The following SLC10A1 variants were observed in gnomAD, a reference collection of about 807,000 sequenced individuals.
SLC10A1 encodes solute carrier family 10 member 1.
A neutral mutation model predicts 20.5 loss-of-function variants in SLC10A1; 36 were observed. The observed-to-expected ratio is 1.75, with a 90% confidence interval of 1.34 to 2.32. The LOEUF (loss-of-function observed/expected upper bound fraction) is 2.32. Among genes scored for constraint, SLC10A1 ranks in the 30% most tolerant of loss-of-function variants. The pLI, the probability that SLC10A1 is intolerant of heterozygous loss-of-function variation, is 0.00. For synonymous variants in SLC10A1, 188 were observed against 163.6 expected (o/e 1.15, Z -1.14); for missense variants, 545 against 439.1 (o/e 1.24, Z -2.16).
intron 1 of SLC10A1, among the ~76,000 whole-genome samples, chr14:69,795,110 A>G (rs1482537429): frequency 6.6e-6 from 1 of 152,234 alleles, no homozygotes; most frequent in African/African-American, 2.4e-5. Context: ...GATTCTTGGG[A>G]CACACAGGCT....
intron 1 of SLC10A1, 106 bp from the exon 2 acceptor site, chr14:69,786,413 G>C: frequency 1.2e-6 from 1 of 828,126 alleles, no homozygotes; most frequent in Non-Finnish European, 2.0e-6. Context: ...GACATATGTG[G>C]CTTCAGTTCC....
Position 69,777,588 on chromosome 14 carries a change from T to TTTTTTTTTC in SLC10A1, c.943+744_943+745insGAAAAAAAA, listed in dbSNP as rs1566633936. 5.2e-4 allele frequency among the ~76,000 whole-genome samples: 48 copies of TTTTTTTTTC among 93,198 alleles called. 1 individual carries two copies. Among genetic ancestry groups the TTTTTTTTTC allele is most frequent in the African/African-American group, 2.9e-3 (48 of 16,604 alleles). The allele number at this position is 93,198 out of a possible 152,430, so 61.1% of individuals were successfully genotyped here. A position where few individuals can be genotyped will look rare whatever the true frequency, so the allele number is the denominator to read the frequency against. On this transcript the variant is annotated intron_variant, in intron 4 of 4. Coordinates refer to ENST00000216540, the MANE Select transcript of SLC10A1 (RefSeq NM_003049.4). ...GGGTTTGAATGTCCTGTTTTTTTTT[T>TTTTTTTTTC]TTTTTTTTTTTTTTTTTAAAATTGG...
rs916484810 is a variant in SLC10A1 at position 69,786,003 on chromosome 14, G to T, written c.567+94C>A. The T allele has an allele frequency of 5.8e-6, 5 of 868,536 alleles. No individual in the cohort carries two copies. The East Asian group carries it at 7.9e-5, about 14-fold the overall frequency. The allele number at this position is 868,536 out of a possible 1,614,324, so 53.8% of individuals were successfully genotyped here. On this transcript the variant is annotated intron_variant, in intron 2 of 4. Coordinates refer to ENST00000216540, the MANE Select transcript of SLC10A1 (RefSeq NM_003049.4). ...AACTTAGCATCTAGTAGGAGCATAT[G>T]TATGTTTATTATTAATATAATGATT...
chr14:69,784,639 T>C (rs1051035947), intron 2 of SLC10A1, among the ~76,000 whole-genome samples: 3 of 152,146 alleles, frequency 2.0e-5, no homozygotes, highest in Admixed American at 6.5e-5. Context: ...GAGACACTTT[T>C]TGTTTTGTTT....
At chr14:69,778,719 A>AT (rs1437259327) in intron 3 of SLC10A1, among the ~76,000 whole-genome samples, 190 bp from the exon 4 acceptor site, 1 of 151,978 alleles carries the variant, frequency 6.6e-6, no homozygotes, top group East Asian at 1.9e-4. Flanking sequence ...CCTTCATTCA[A>AT]TTTTTTTCAA....
At chr14:69,794,576 C>T (rs1047401128) in intron 1 of SLC10A1, among the ~76,000 whole-genome samples, 3 of 152,294 alleles carry the variant, frequency 2.0e-5, no homozygotes, top group East Asian at 1.9e-4. Flanking sequence ...TTCTTATAAT[C>T]GTTGTCATTA....
At chr14:69,777,669 A>G (rs1281975319) in intron 4 of SLC10A1, among the ~76,000 whole-genome samples, 3 of 129,732 alleles carry the variant, frequency 2.3e-5, no homozygotes, top group Admixed American at 1.9e-4. Context: ...TTGAGGTTCA[A>G]TTTTATTTTG....
At position 69,779,111 on chromosome 14, in the gene SLC10A1, A is replaced by G; in HGVS notation, c.746+71T>C. On this transcript the variant is annotated intron_variant, in intron 3 of 4. Coordinates refer to ENST00000216540, the MANE Select transcript of SLC10A1 (RefSeq NM_003049.4). ...TGGAGGTTGAGGCTGCAGTGAGCTG[A>G]GAATGTGCTACTCCCCTCCAGCCTG... is the stretch of plus-strand genomic sequence containing the variant. 4 of 1,182,302 alleles carry G rather than the reference A, an allele frequency of 3.4e-6. No homozygotes were observed. The South Asian group carries it at 6.6e-5, about 20-fold the overall frequency. 73.2% of individuals were successfully genotyped at this position (1,182,302 alleles called of 1,614,324 possible). A position where few individuals can be genotyped will look rare whatever the true frequency, so the allele number is the denominator to read the frequency against.
chr14:69,778,308 A>G, intron 4 of SLC10A1, 25 bp downstream of exon 4: 1 of 1,549,670 alleles, frequency 6.5e-7, no homozygotes, highest in Non-Finnish European at 8.7e-7. Context: ...GCAGAACTTG[A>G]AGTGGGGATA....
rs745902430 is a variant in SLC10A1, at chr14:69,797,214, C to T, written c.-59G>A. 2.5e-5 allele frequency: 37 copies of T among 1,454,088 alleles called. No homozygotes were observed. Among genetic ancestry groups the T allele is most frequent in the Non-Finnish European group, 3.4e-5 (36 of 1,061,432 alleles). 90.1% of individuals were successfully genotyped at this position (1,454,088 alleles called of 1,614,324 possible). On this transcript the variant is annotated 5_prime_UTR_variant, in exon 1 of 5. Coordinates refer to ENST00000216540, the MANE Select transcript of SLC10A1 (RefSeq NM_003049.4). Reference sequence around the variant, plus strand: ...TCTCCGGCTGACTCCGTTTCTTGTGCAGTTCTTGCTGGATGCCTTCTTTAA... The same window carrying T: ...TCTCCGGCTGACTCCGTTTCTTGTGTAGTTCTTGCTGGATGCCTTCTTTAA...
chr14:69,787,430 T>G (rs571895759), intron 1 of SLC10A1, among the ~76,000 whole-genome samples: 5 of 152,106 alleles, frequency 3.3e-5, no homozygotes, highest in Non-Finnish European at 5.9e-5. Flanking sequence ...GGTTGGGAGG[T>G]GAGGGCTTGG....
intron 2 of SLC10A1, among the ~76,000 whole-genome samples, chr14:69,782,936 T>C (rs1883630142): frequency 1.3e-5 from 2 of 152,226 alleles, no homozygotes; most frequent in African/African-American, 4.8e-5. Context: ...TGACTTGGTA[T>C]TCTGTTTCCC....
At chr14:69,776,814 C>T (rs532506568) in intron 4 of SLC10A1, among the ~76,000 whole-genome samples, 3 of 152,224 alleles carry the variant, frequency 2.0e-5, no homozygotes, top group Non-Finnish European at 4.4e-5. Flanking sequence ...GTGGTGTAGG[C>T]GGTGATGCAA....
At chr14:69,780,517 T>C (rs1432544854) in intron 2 of SLC10A1, among the ~76,000 whole-genome samples, 4 of 152,364 alleles carry the variant, frequency 2.6e-5, no homozygotes, top group African/African-American at 9.6e-5. Flanking sequence ...TATAGCAAAG[T>C]TTGCCATTTT....
chr14:69,783,910 CA>C (rs1169411591), intron 2 of SLC10A1, among the ~76,000 whole-genome samples: 3 of 152,180 alleles, frequency 2.0e-5, no homozygotes, highest in African/African-American at 7.2e-5. Flanking sequence ...CAACTGGGCA[CA>C]CACACAGTGC....
In SLC10A1 at chr14:69,790,987, TA is replaced by T. The variant is rs546181731; in HGVS notation, c.357-4681del. Among the ~76,000 whole-genome samples the T allele has an allele frequency of 2.0e-4, 31 of 151,342 alleles. No homozygotes were observed. In the East Asian group the frequency reaches 5.6e-3, roughly 27 times the overall value. On this transcript the variant is annotated intron_variant, in intron 1 of 4. Coordinates refer to ENST00000216540, the MANE Select transcript of SLC10A1 (RefSeq NM_003049.4). ...TTGGGTCTGATATACTAGAAACAAATATATATATATTTTAAAAGACACCATT... is the reference window on the plus strand; with the variant it reads ...TTGGGTCTGATATACTAGAAACAAATTATATATATTTTAAAAGACACCATT...
At chr14:69,776,877 C>T (rs900401934) in intron 4 of SLC10A1, among the ~76,000 whole-genome samples, 5 of 152,166 alleles carry the variant, frequency 3.3e-5, no homozygotes, top group African/African-American at 9.6e-5. Flanking sequence ...GGAGAGTTCT[C>T]TATACAGAGT....
chr14:69,786,925 A>G (rs1883730053), intron 1 of SLC10A1, among the ~76,000 whole-genome samples: 1 of 152,234 alleles, frequency 6.6e-6, no homozygotes. Context: ...GCTCAGGCAG[A>G]AGTCAAAAAC....
At chr14:69,777,373 T>A (rs1303947064) in intron 4 of SLC10A1, among the ~76,000 whole-genome samples, 1 of 152,112 alleles carries the variant, frequency 6.6e-6, no homozygotes, top group Non-Finnish European at 1.5e-5. Context: ...TGCTTGCTAG[T>A]ATAATGTAAC....
Sources: gnomAD v4.1 joint callset for allele counts (sites outside exome capture counted in the v4.1 genomes callset) on GRCh38, gnomAD v4.1.1 for gene constraint, MANE v1.5 for transcripts, NCBI Gene and HGNC (gene_info 2026-07-23, HGNC 2026-07-21) for gene names.